The following PUM1 variants were observed in gnomAD, a reference collection of about 807,000 sequenced individuals.
PUM1 encodes the protein pumilio homolog 1.
Under a neutral mutation model 131.8 loss-of-function variants are expected in PUM1, and 13 were observed. The ratio of observed to expected loss-of-function variants is 0.10; its 90% CI spans 0.06 to 0.16. The LOEUF is 0.16. Ranked by LOEUF, PUM1 falls within the 10% of genes least tolerant of loss-of-function variation. The pLI is 1.00. For synonymous variants in PUM1, 509 were observed against 556.5 expected (o/e 0.91, Z 1.20); for missense variants, 961 against 1,512.4 (o/e 0.64, Z 6.05).
chr1:30,978,251 A>G (rs1641219100), intron 9 of PUM1, among the ~76,000 whole-genome samples: 1 of 152,224 alleles, frequency 6.6e-6, no homozygotes, highest in South Asian at 2.1e-4. Flanking sequence ...TCAGTCTCAA[A>G]AAAACAAAAA....
At chr1:30,998,289 T>C (rs1642058177) in intron 5 of PUM1, among the ~76,000 whole-genome samples, 1 of 152,176 alleles carries the variant, frequency 6.6e-6, no homozygotes, top group East Asian at 1.9e-4. Flanking sequence ...GTCTGACTTC[T>C]GAGTAAAAAC....
intron 7 of PUM1, among the ~76,000 whole-genome samples, chr1:30,990,544 T>C (rs764787743): frequency 1.1e-4 from 17 of 152,044 alleles, no homozygotes; most frequent in African/African-American, 3.9e-4. Context: ...CAATTTCCAA[T>C]AGAAAAGGAA....
chr1:30,940,016 C>T (rs1639378085), intron 20 of PUM1, among the ~76,000 whole-genome samples: 1 of 152,126 alleles, frequency 6.6e-6, no homozygotes, highest in Non-Finnish European at 1.5e-5. Flanking sequence ...GATCCCCATT[C>T]CTCAGTCCTG....
At chr1:30,942,226 TA>T in intron 18 of PUM1, 103 bp from the exon 19 acceptor site, 2 of 160,330 alleles carry the variant, frequency 1.2e-5, no homozygotes, top group Non-Finnish European at 1.1e-5. Flanking sequence ...TATATATATA[TA>T]TATATATATG....
intron 14 of PUM1, among the ~76,000 whole-genome samples, chr1:30,963,088 T>C (rs573491564): frequency 1.2e-4 from 18 of 152,350 alleles, no homozygotes; most frequent in Non-Finnish European, 1.6e-4. Context: ...AAATCTGAGA[T>C]GACACAGGCT....
intron 17 of PUM1, among the ~76,000 whole-genome samples, chr1:30,947,838 C>T (rs1285455993): frequency 2.0e-5 from 3 of 151,614 alleles, no homozygotes; most frequent in African/African-American, 7.3e-5. Context: ...AGGCAAGAGA[C>T]ACAGTGATTA....
At position 30,933,256 on chromosome 1, in the gene PUM1, A is replaced by G; in HGVS notation, c.3522T>C (p.Gly1174=). The change falls in exon 22 of 22, where the codon GGT becomes GGC. Residue 1174 remains glycine (G), a synonymous_variant. Coordinates refer to ENST00000426105, the MANE Select transcript of PUM1 (RefSeq NM_001020658.2). ...GGCCACAGATGGGCCCTAAGTCAAC[A>G]CCGTTCTTCATGTAGTACTTCTCCA... ...AKLEKYYMKN[G]VDLGPICGPP... The G allele has an allele frequency of 6.2e-7, 1 of 1,613,828 alleles. No homozygotes were observed. The highest frequency in any genetic ancestry group is 8.5e-7 in the Non-Finnish European group (1 of 1,179,898).
At chr1:31,046,324 T>C (rs1218333288) in intron 2 of PUM1, among the ~76,000 whole-genome samples, 2 of 151,956 alleles carry the variant, frequency 1.3e-5, no homozygotes, top group Admixed American at 1.3e-4. Context: ...AGGTGGAGGT[T>C]GCGGTGAGCC....
chr1:30,960,101 G>C (rs1455049720), intron 14 of PUM1, among the ~76,000 whole-genome samples: 3 of 152,142 alleles, frequency 2.0e-5, no homozygotes, highest in African/African-American at 7.2e-5. Flanking sequence ...TCAGGAACAA[G>C]GGAAAGATGT....
chr1:30,973,945 G>A (rs1028763032), intron 10 of PUM1, among the ~76,000 whole-genome samples: 2 of 151,964 alleles, frequency 1.3e-5, no homozygotes, highest in African/African-American at 4.8e-5. Flanking sequence ...AAAATTAGCT[G>A]GGCATGGTGT....
At position 31,028,908 on chromosome 1, in the gene PUM1, T is replaced by C. The variant is rs4949331; in HGVS notation, c.364-44A>G. 488,904 of 1,495,992 alleles carry C rather than the reference T, an allele frequency of 0.33. 83,631 individuals carry two copies. Among genetic ancestry groups the C allele is most frequent in the Non-Finnish European group, 0.35 (374,951 of 1,074,572 alleles). The allele number at this position is 1,495,992 out of a possible 1,614,324, so 92.7% of individuals were successfully genotyped here. A position where few individuals can be genotyped will look rare whatever the true frequency, so the allele number is the denominator to read the frequency against. On this transcript the variant is annotated intron_variant, in intron 2 of 21. Coordinates refer to ENST00000426105, the MANE Select transcript of PUM1 (RefSeq NM_001020658.2). ...AAGGAAAAATCTTCAAGTCAGCATC[T>C]TGAATTTTACATACACATTACACAC... is the stretch of plus-strand genomic sequence containing the variant.
chr1:31,042,527 T>G (rs1177725031), intron 2 of PUM1, among the ~76,000 whole-genome samples: 2 of 152,272 alleles, frequency 1.3e-5, no homozygotes, highest in East Asian at 3.9e-4. Context: ...ACATCTAAAC[T>G]CCACTGGAAA....
intron 10 of PUM1, among the ~76,000 whole-genome samples, chr1:30,969,316 C>CAAAA (rs763999971): frequency 8.8e-3 from 442 of 49,984 alleles, no homozygotes; most frequent in African/African-American, 0.017. Flanking sequence ...AACACACACA[C>CAAAA]AAAAAAAAAA....
chr1:30,971,204 G>A (rs1225226926), intron 10 of PUM1, among the ~76,000 whole-genome samples: 2 of 152,070 alleles, frequency 1.3e-5, no homozygotes, highest in Non-Finnish European at 2.9e-5. Context: ...TGACTAGAAC[G>A]CAACATATAC....
intron 14 of PUM1, among the ~76,000 whole-genome samples, chr1:30,958,523 A>C (rs1474904119): frequency 6.6e-6 from 1 of 152,156 alleles, no homozygotes; most frequent in African/African-American, 2.4e-5. Context: ...ATTGTGCAAA[A>C]AACTGTAAGC....
intron 2 of PUM1, among the ~76,000 whole-genome samples, chr1:31,044,123 C>T (rs1443643403): frequency 6.6e-6 from 1 of 151,978 alleles, no homozygotes; most frequent in Non-Finnish European, 1.5e-5. Flanking sequence ...AAAAGAAGGC[C>T]GGGCGCAGTG....
intron 2 of PUM1, among the ~76,000 whole-genome samples, chr1:31,029,913 CAA>C (rs10592751): frequency 0.32 from 38,081 of 119,840 alleles, 5,508 homozygotes; most frequent in Middle Eastern, 0.35. Context: ...GATCCTTTTT[CAA>C]AAAAAAAAAA....
intron 3 of PUM1, among the ~76,000 whole-genome samples, chr1:31,028,311 T>C (rs2124546008): frequency 6.6e-6 from 1 of 151,986 alleles, no homozygotes; most frequent in South Asian, 2.1e-4. Context: ...ACAACTTCCC[T>C]TTCACAATGG....
At chr1:30,974,603 C>A in intron 10 of PUM1, 48 bp downstream of exon 10, 1 of 1,525,172 alleles carries the variant, frequency 6.6e-7, no homozygotes, top group Non-Finnish European at 8.8e-7. Context: ...TAATTATCCA[C>A]AATACTACGA....
Sources: gnomAD v4.1 joint callset for allele counts (sites outside exome capture counted in the v4.1 genomes callset) on GRCh38, gnomAD v4.1.1 for gene constraint, MANE v1.5 for transcripts, NCBI Gene and HGNC (gene_info 2026-07-23, HGNC 2026-07-21) for gene names.